The following CEP162 variants were observed in gnomAD, a reference collection of about 807,000 sequenced individuals.
The protein encoded by CEP162 is centrosomal protein of 162 kDa.
Under a neutral mutation model 169.2 loss-of-function variants are expected in CEP162, and 141 were observed. The ratio of observed to expected loss-of-function variants is 0.83; its 90% confidence interval spans 0.73 to 0.96. The LOEUF is 0.96. Ranked by LOEUF, CEP162 falls within the 40% of genes least tolerant of loss-of-function variation. The pLI, the probability that CEP162 is intolerant of heterozygous loss-of-function variation, is 0.00. For synonymous variants in CEP162, 540 were observed against 526.4 expected, an observed-to-expected ratio of 1.03 and a Z score of -0.35; for missense variants, 1,600 against 1,587.2, an observed-to-expected ratio of 1.01 and a Z score of -0.14.
At chr6:84,202,483 C>T (rs1279926276) in intron 7 of CEP162, among the ~76,000 whole-genome samples, 1 of 148,150 alleles carries the variant, frequency 6.7e-6, no homozygotes, top group Non-Finnish European at 1.5e-5. Flanking sequence ...ATGCCTTGTA[C>T]TGACCTATTC....
At chr6:84,219,434 C>T (rs2099552812) in intron 3 of CEP162, among the ~76,000 whole-genome samples, 1 of 152,248 alleles carries the variant, frequency 6.6e-6, no homozygotes, top group Non-Finnish European at 1.5e-5. Context: ...TATTTTTGGT[C>T]TAGGAGCTAT....
chr6:84,178,256 T>A (rs1424339746), intron 13 of CEP162, among the ~76,000 whole-genome samples: 2 of 152,150 alleles, frequency 1.3e-5, no homozygotes, highest in African/African-American at 4.8e-5. Flanking sequence ...GGTAAGATAA[T>A]GGTATGGTGT....
At chr6:84,215,617 G>A (rs890216624) in intron 4 of CEP162, among the ~76,000 whole-genome samples, 152 bp from the exon 5 acceptor site, 5 of 151,992 alleles carry the variant, frequency 3.3e-5, no homozygotes, top group South Asian at 2.1e-4. Flanking sequence ...TTAATAATAC[G>A]TAAGGTTTAA....
intron 15 of CEP162, 121 bp from the exon 16 acceptor site, chr6:84,174,309 G>A (rs2099531419): frequency 1.2e-6 from 1 of 819,436 alleles, no homozygotes; most frequent in Non-Finnish European, 1.9e-6. Flanking sequence ...GAACATATTA[G>A]AATGTGACAT....
intron 24 of CEP162, among the ~76,000 whole-genome samples, chr6:84,147,158 A>G (rs75947071): frequency 1.3e-5 from 2 of 152,246 alleles, no homozygotes; most frequent in East Asian, 3.9e-4. Flanking sequence ...ATTCAGCCTT[A>G]AATAAGAGGG....
At chr6:84,166,682 C>T (rs894834475) in intron 18 of CEP162, among the ~76,000 whole-genome samples, 3 of 152,128 alleles carry the variant, frequency 2.0e-5, no homozygotes, top group African/African-American at 7.2e-5. Flanking sequence ...TCCTGGGATA[C>T]TAAAAGGAAA....
intron 11 of CEP162, among the ~76,000 whole-genome samples, chr6:84,188,795 T>C (rs2099538371): frequency 6.6e-6 from 1 of 152,222 alleles, no homozygotes; most frequent in Non-Finnish European, 1.5e-5. Context: ...TTAAGTTCTT[T>C]GAGAAGTCGC....
At position 84,219,971 on chromosome 6, in the gene CEP162, A is replaced by C. The variant is rs375979338; in HGVS notation, c.172+1086T>G. 8.5e-5 allele frequency among the ~76,000 whole-genome samples: 13 copies of C among 152,290 alleles called. No individual in the cohort carries two copies. In the East Asian group the frequency reaches 1.5e-3, roughly 18 times the overall value. On this transcript the variant is annotated intron_variant, in intron 3 of 26. Coordinates refer to ENST00000403245, the MANE Select transcript of CEP162 (RefSeq NM_014895.4). ...GCAAAAAGTGGTGATGCTAGGCTTT[A>C]TTGGGCAAGAAGGATGAGAGGAAAG... is the stretch of plus-strand genomic sequence containing the variant.
intron 11 of CEP162, among the ~76,000 whole-genome samples, chr6:84,189,450 C>T (rs2099538751): frequency 6.6e-6 from 1 of 152,200 alleles, no homozygotes; most frequent in Non-Finnish European, 1.5e-5. Flanking sequence ...GGTTGGTGGG[C>T]CCCGCACTCG....
chr6:84,219,651 C>T lies in CEP162; in HGVS notation c.172+1406G>A, dbSNP rs956483982. ...GTTGCATAAGAATTTATAAAAAATG[C>T]ACTGAATTTTTCAATAAGGAATTTC... On this transcript the variant is annotated intron_variant, in intron 3 of 26. Coordinates refer to ENST00000403245, the MANE Select transcript of CEP162 (RefSeq NM_014895.4). Among the ~76,000 whole-genome samples, 4 of 152,064 alleles carry T rather than the reference C, an allele frequency of 2.6e-5. No individual in the cohort carries two copies. In the East Asian group the frequency reaches 7.7e-4, roughly 29 times the overall value.
rs1182152590 is a variant in CEP162 at position 84,194,935 on chromosome 6, G to GACCTTTCACTC, written c.975_976insGAGTGAAAGGT (p.His326GlufsTer2). On this transcript the variant is annotated stop_gained and frameshift_variant, in exon 10 of 27. Coordinates refer to ENST00000403245, the MANE Select transcript of CEP162 (RefSeq NM_014895.4). LOFTEE classifies it high-confidence loss of function. ...GAATTCTCTTCATTTTCTTGAGGAT[G>GACCTTTCACTC]ACCTTTCACTGAGCTCTTGATATCT... 1 of 1,612,542 alleles carries GACCTTTCACTC rather than the reference G, an allele frequency of 6.2e-7. No individual in the cohort carries two copies. Among genetic ancestry groups the GACCTTTCACTC allele is most frequent in the Non-Finnish European group, 8.5e-7 (1 of 1,179,540 alleles).
chr6:84,200,805 A>G lies in CEP162; in HGVS notation c.819T>C (p.Asn273=). 1 of 1,595,902 alleles carries G rather than the reference A, an allele frequency of 6.3e-7. No individual in the cohort carries two copies. The highest frequency in any genetic ancestry group is 8.6e-7 in the Non-Finnish European group (1 of 1,163,830). The change falls in exon 9 of 27, where the codon AAT becomes AAC. Residue 273 remains asparagine (N), a synonymous_variant. Transcript: ENST00000403245. ...KPRCLPEMTE[N]EMTGTGVSYG... Reference sequence around the variant, plus strand: ...CATTTTTACCTGTTCCTGTCATTTCATTCTCAGTCATTTCTGGTAGGCACC... The same window carrying G: ...CATTTTTACCTGTTCCTGTCATTTCGTTCTCAGTCATTTCTGGTAGGCACC...
At chr6:84,147,685 A>G (rs1211254925) in intron 24 of CEP162, among the ~76,000 whole-genome samples, 5 of 152,200 alleles carry the variant, frequency 3.3e-5, no homozygotes, top group African/African-American at 1.2e-4. Flanking sequence ...TCCTTTTAAA[A>G]TAAAGCTCTA....
chr6:84,154,745 T>C (rs971737938), intron 22 of CEP162, among the ~76,000 whole-genome samples: 6 of 152,310 alleles, frequency 3.9e-5, no homozygotes, highest in African/African-American at 1.2e-4. Context: ...AACTGTTATT[T>C]GTCTACAAAA....
intron 6 of CEP162, among the ~76,000 whole-genome samples, chr6:84,208,549 G>A (rs2099548210): frequency 6.6e-6 from 1 of 152,202 alleles, no homozygotes; most frequent in Non-Finnish European, 1.5e-5. Flanking sequence ...TACTGGAAGT[G>A]AAGAAATGAA....
intron 12 of CEP162, among the ~76,000 whole-genome samples, chr6:84,185,797 T>G (rs1261629267): frequency 6.6e-6 from 1 of 152,184 alleles, no homozygotes; most frequent in African/African-American, 2.4e-5. Context: ...TTAAAAATTT[T>G]TATTAATACC....
intron 25 of CEP162, among the ~76,000 whole-genome samples, chr6:84,137,320 T>C (rs1022117868): frequency 6.6e-6 from 1 of 152,174 alleles, no homozygotes. Context: ...CTAGCGAGCC[T>C]TACAACGGCA....
intron 17 of CEP162, among the ~76,000 whole-genome samples, 176 bp downstream of exon 17, chr6:84,171,430 G>A (rs1204018060): frequency 6.6e-6 from 1 of 151,902 alleles, no homozygotes; most frequent in African/African-American, 2.4e-5. Context: ...GTATGTGCTG[G>A]CCATCTAACA....
intron 16 of CEP162, among the ~76,000 whole-genome samples, chr6:84,172,338 G>T (rs986040476): frequency 1.3e-5 from 2 of 152,316 alleles, no homozygotes; most frequent in African/African-American, 4.8e-5. Flanking sequence ...AACCAGTTGA[G>T]ATCAGAGGGA....
Sources: allele counts gnomAD v4.1 joint callset (sites outside exome capture counted in the v4.1 genomes callset), GRCh38; gene constraint gnomAD v4.1.1; transcripts MANE v1.5; gene names NCBI Gene and HGNC (gene_info 2026-07-23, HGNC 2026-07-21).